SEC61A1: variants seen among roughly 807,000 people sequenced by gnomAD.
The protein encoded by SEC61A1 is protein transport protein Sec61 subunit alpha isoform 1.
Under a neutral mutation model 55.2 loss-of-function variants are expected in SEC61A1, and 15 were observed. The ratio of observed to expected loss-of-function variants is 0.27; its 90% CI spans 0.18 to 0.42. The LOEUF (loss-of-function observed/expected upper bound fraction) is 0.42, where lower values mean the gene tolerates loss of function less well. Among genes scored for constraint, SEC61A1 ranks in the 10% least tolerant of loss-of-function variants. SEC61A1 has a pLI of 1.00. For synonymous variants in SEC61A1, 247 were observed against 234.0 expected (o/e 1.06, Z -0.51); for missense variants, 284 against 602.6 (o/e 0.47, Z 5.53).
In SEC61A1 at chr3:128,065,052, A is replaced by G; in HGVS notation, c.777+15A>G. 1 of 1,613,938 alleles carries G rather than the reference A, an allele frequency of 6.2e-7. No individual in the cohort carries two copies. The highest frequency in any genetic ancestry group is 8.5e-7 in the Non-Finnish European group (1 of 1,179,762). ...TCTATTTCCAGGTGTGTCCAGATCCAACCCCAGGGAGTTTCCATGGTCTGG... is the reference window on the plus strand; with the variant it reads ...TCTATTTCCAGGTGTGTCCAGATCCGACCCCAGGGAGTTTCCATGGTCTGG... On this transcript the variant is annotated intron_variant, in intron 8 of 11. Coordinates refer to ENST00000243253, the MANE Select transcript of SEC61A1 (RefSeq NM_013336.4).
intron 5 of SEC61A1, among the ~76,000 whole-genome samples, chr3:128,059,658 C>T (rs1403570714): frequency 6.6e-6 from 1 of 152,050 alleles, no homozygotes; most frequent in Non-Finnish European, 1.5e-5. Context: ...GATGGTGAGC[C>T]TAGAGAGGTG....
intron 1 of SEC61A1, 92 bp downstream of exon 1, chr3:128,052,651 G>C: frequency 6.5e-7 from 1 of 1,549,764 alleles, no homozygotes; most frequent in South Asian, 1.2e-5. Context: ...GGCCAACCCT[G>C]ACCGGCCCCC....
At chr3:128,052,800 T>TCC (rs1406017085) in intron 1 of SEC61A1, 35 bp from the exon 2 acceptor site, 2 of 1,591,952 alleles carry the variant, frequency 1.3e-6, no homozygotes, top group Non-Finnish European at 1.7e-6. Flanking sequence ...CTTCTCTGTG[T>TCC]CCCAACTCTT....
At chr3:128,055,323 A>G (rs1181344994) in intron 2 of SEC61A1, among the ~76,000 whole-genome samples, 193 bp from the exon 3 acceptor site, 1 of 152,172 alleles carries the variant, frequency 6.6e-6, no homozygotes, top group Non-Finnish European at 1.5e-5. Flanking sequence ...AGGTCCTTGC[A>G]TTGTGCTCTG....
chr3:128,062,471 C>A (rs1172123847), intron 7 of SEC61A1, among the ~76,000 whole-genome samples: 1 of 152,204 alleles, frequency 6.6e-6, no homozygotes, highest in Non-Finnish European at 1.5e-5. Context: ...AAATTTGAAA[C>A]CGTGGGGAAA....
In SEC61A1 at chr3:128,067,127, G is replaced by C. The variant is rs138437267; in HGVS notation, c.951G>C (p.Leu317=). 7 of 1,614,216 alleles carry C rather than the reference G, an allele frequency of 4.3e-6. No homozygotes were observed. Among genetic ancestry groups the C allele is most frequent in the Non-Finnish European group, 8.5e-7 (1 of 1,180,042 alleles). ...MLSARFSGNL[L]VSLLGTWSDT... ...CAGCTCGCTTCAGTGGCAACTTGCT[G>C]GTCAGCCTGCTGGGCACCTGGTCGG... The change falls in exon 9 of 12, where the codon CTG becomes CTC. Residue 317 remains leucine, a synonymous_variant. Coordinates refer to ENST00000243253, the MANE Select transcript of SEC61A1 (RefSeq NM_013336.4). This position sits in a 1 kb window ranked among gnomAD's most constrained non-coding sequence, Gnocchi z 4.1.
In SEC61A1 at chr3:128,067,091, C is replaced by T; in HGVS notation, c.915C>T (p.Ser305=). ...TGGTGTCCAACCTTTATGTCATCTCCCAAATGCTCTCAGCTCGCTTCAGTG... is the reference window on the plus strand; with the variant it reads ...TGGTGTCCAACCTTTATGTCATCTCTCAAATGCTCTCAGCTCGCTTCAGTG... ...SALVSNLYVI[S]QMLSARFSGN... Residue 305 remains serine (S), a synonymous_variant, in exon 9 of 12, where the codon TCC becomes TCT. Transcript: ENST00000243253. The surrounding 1 kb of genome is among the most constrained non-coding windows in gnomAD (Gnocchi z 4.1). 1.2e-6 allele frequency: 2 copies of T among 1,614,216 alleles called. No individual in the cohort carries two copies. The highest frequency in any genetic ancestry group is 1.7e-6 in the Non-Finnish European group (2 of 1,180,038).
At chr3:128,065,349 C>T (rs1941934407) in intron 8 of SEC61A1, 3 of 583,394 alleles carry the variant, frequency 5.1e-6, no homozygotes, top group Non-Finnish European at 9.1e-6. Flanking sequence ...AGTACTCTAG[C>T]TCTGAAACCT....
chr3:128,052,425 CG>C, upstream of SEC61A1: 3 of 1,253,502 alleles, frequency 2.4e-6, no homozygotes, highest in East Asian at 3.2e-5. Flanking sequence ...CGCTTGCCGC[CG>C]GGCTAGCACT....
At chr3:128,057,841 C>A (rs935984576) in intron 5 of SEC61A1, among the ~76,000 whole-genome samples, 8 of 151,930 alleles carry the variant, frequency 5.3e-5, no homozygotes, top group Non-Finnish European at 1.0e-4. Context: ...ACATGGGGGA[C>A]AGAGCAAGAC....
At position 128,069,761 on chromosome 3, in the gene SEC61A1, A is replaced by T. The variant is rs965990256; in HGVS notation, c.*99A>T. On this transcript the variant is annotated 3_prime_UTR_variant, in exon 12 of 12. Coordinates refer to ENST00000243253, the MANE Select transcript of SEC61A1 (RefSeq NM_013336.4). ...CTGCTGCGGCATATGGACTTTTAAT[A>T]ATGTTTTTGAATTTCGTATTCTTTC... 2.7e-5 allele frequency: 26 copies of T among 963,862 alleles called. No individual in the cohort carries two copies. In the African/African-American group the frequency reaches 4.3e-4, roughly 16 times the overall value. The allele number at this position is 963,862 out of a possible 1,614,324, so 59.7% of individuals were successfully genotyped here. A position where few individuals can be genotyped will look rare whatever the true frequency, so the allele number is the denominator to read the frequency against.
At chr3:128,061,192 G>T (rs1941846152) in intron 7 of SEC61A1, among the ~76,000 whole-genome samples, 1 of 152,198 alleles carries the variant, frequency 6.6e-6, no homozygotes, top group African/African-American at 2.4e-5. Context: ...TACATACGTG[G>T]CTTTGGGCAG....
rs958697059 is a variant in SEC61A1 at position 128,052,449 on chromosome 3, G to T, written c.-104G>T. On this transcript the variant is annotated 5_prime_UTR_variant, in exon 1 of 12. Coordinates refer to ENST00000243253, the MANE Select transcript of SEC61A1 (RefSeq NM_013336.4). ...CCGGGCTAGCACTGACGTGTCTCTC[G>T]GCGGAGCTGCTGTGCAGTGGAACGC... 3.9e-5 allele frequency: 56 copies of T among 1,439,576 alleles called. No homozygotes were observed. The highest frequency in any genetic ancestry group is 4.7e-5 in the Non-Finnish European group (51 of 1,093,896). 89.2% of individuals were successfully genotyped at this position (1,439,576 alleles called of 1,614,324 possible). A position where few individuals can be genotyped will look rare whatever the true frequency, so the allele number is the denominator to read the frequency against.
chr3:128,059,899 CT>C (rs1386559957), intron 5 of SEC61A1, among the ~76,000 whole-genome samples: 1 of 152,144 alleles, frequency 6.6e-6, no homozygotes, highest in Non-Finnish European at 1.5e-5. Flanking sequence ...AAGAAGTGTG[CT>C]TTTGTTAAAA....
In SEC61A1 at chr3:128,067,077, C is replaced by T; in HGVS notation, c.901C>T (p.Leu301Phe). 6.2e-7 allele frequency: 1 copy of T among 1,614,202 alleles called. No individual in the cohort carries two copies. The highest frequency in any genetic ancestry group is 8.5e-7 in the Non-Finnish European group (1 of 1,180,034). Residue 301 changes from leucine (L) to phenylalanine (F), a missense_variant, in exon 9 of 12, where the codon CTT (leucine) becomes TTT (phenylalanine). By Grantham distance (22) the Leu-to-Phe change is conservative (BLOSUM62 0). Coordinates refer to ENST00000243253, the MANE Select transcript of SEC61A1 (RefSeq NM_013336.4). The surrounding 1 kb of genome is among the most constrained non-coding windows in gnomAD (Gnocchi z 4.1). ...CCTGCAGTCTGCCCTGGTGTCCAAC[C>T]TTTATGTCATCTCCCAAATGCTCTC... ...IILQSALVSN[L>F]YVISQMLSAR...
Position 128,052,533 on chromosome 3 carries a change from G to C in SEC61A1, c.-20G>C, listed in dbSNP as rs891032900. 10 of 1,596,496 alleles carry C rather than the reference G, an allele frequency of 6.3e-6. No homozygotes were observed. Among genetic ancestry groups the C allele is most frequent in the Non-Finnish European group, 7.7e-6 (9 of 1,172,582 alleles). On this transcript the variant is annotated 5_prime_UTR_variant, in exon 1 of 12. Transcript: ENST00000243253. ...CAGAGCTGAGCTGAAGCGGGACCCG[G>C]AGCCCGAGCAGCCGCCGCCATGGCA...
At chr3:128,052,792 T>G in intron 1 of SEC61A1, 43 bp from the exon 2 acceptor site, 1 of 1,583,784 alleles carries the variant, frequency 6.3e-7, no homozygotes. Context: ...GAAGGTTACT[T>G]CTCTGTGTCC....
chr3:128,060,484 T>G (rs991182423), intron 6 of SEC61A1, 24 bp from the exon 7 acceptor site: 4 of 1,613,162 alleles, frequency 2.5e-6, no homozygotes, highest in Non-Finnish European at 3.4e-6. Flanking sequence ...TAACACATAG[T>G]CTTGTATTTT....
intron 7 of SEC61A1, among the ~76,000 whole-genome samples, chr3:128,061,977 A>T (rs1941858481): frequency 6.6e-6 from 1 of 152,242 alleles, no homozygotes; most frequent in Admixed American, 6.5e-5. Context: ...TTTGCTCTGC[A>T]CTGAAAGGCA....
Sources: allele counts gnomAD v4.1 joint callset (sites outside exome capture counted in the v4.1 genomes callset), GRCh38; gene constraint gnomAD v4.1.1; non-coding constraint Gnocchi (gnomAD v3.1); transcripts MANE v1.5; gene names NCBI Gene and HGNC (gene_info 2026-07-23, HGNC 2026-07-21).